DNM3: variants seen among roughly 807,000 people sequenced by gnomAD.
The protein encoded by DNM3 is dynamin 3, also known as dynamin-3.
A neutral mutation model predicts 101.6 loss-of-function variants in DNM3; 47 were observed. That is an observed-to-expected ratio of 0.46 (90% CI 0.37 to 0.59). The LOEUF is 0.59. Ranked by LOEUF, DNM3 falls within the 20% of genes least tolerant of loss-of-function variation. DNM3 has a pLI of 0.00. For missense variants in DNM3, 849 were observed against 1,085.7 expected, an observed-to-expected ratio of 0.78 and a Z score of 3.06; for synonymous variants, 385 against 387.9, an observed-to-expected ratio of 0.99 and a Z score of 0.09.
chr1:172,032,607 G>T, intron 5 of DNM3, 107 bp downstream of exon 5: 1 of 606,064 alleles, frequency 1.6e-6, no homozygotes. Context: ...TGGTTTTAAT[G>T]CCTTCTCAGT....
intron 20 of DNM3, among the ~76,000 whole-genome samples, chr1:172,405,848 T>C (rs1175818967): frequency 6.6e-6 from 1 of 151,926 alleles, no homozygotes; most frequent in Non-Finnish European, 1.5e-5. Context: ...TTAGATACTT[T>C]AGAGTCACCA....
At chr1:172,259,691 A>T (rs1025086048) in intron 15 of DNM3, among the ~76,000 whole-genome samples, 2 of 152,240 alleles carry the variant, frequency 1.3e-5, no homozygotes, top group East Asian at 1.9e-4. Context: ...TCAAAAATTC[A>T]TTCAGCCAGT....
chr1:171,932,927 A>T (rs1281435593), intron 2 of DNM3, among the ~76,000 whole-genome samples: 1 of 152,190 alleles, frequency 6.6e-6, no homozygotes, highest in African/African-American at 2.4e-5. Flanking sequence ...CTCCTTCAAG[A>T]AGGCCTAACG....
At chr1:172,041,791 T>C (rs542572102) in intron 7 of DNM3, among the ~76,000 whole-genome samples, 1 of 152,338 alleles carries the variant, frequency 6.6e-6, no homozygotes, top group South Asian at 2.1e-4. Flanking sequence ...GACAACTATA[T>C]TTAAATATTT....
At chr1:172,267,713 C>CTTTTTTT (rs200336379) in intron 15 of DNM3, among the ~76,000 whole-genome samples, 1 of 148,792 alleles carries the variant, frequency 6.7e-6, no homozygotes, top group African/African-American at 2.5e-5. Context: ...TTCAGGTTTT[C>CTTTTTTT]TTTTTTTTTT....
intron 4 of DNM3, among the ~76,000 whole-genome samples, chr1:171,992,107 A>C (rs1049699210): frequency 6.6e-6 from 1 of 152,190 alleles, no homozygotes. Context: ...TGAATTTTAT[A>C]ATAAATGTAA....
chr1:172,168,412 G>C (rs1345161758), intron 14 of DNM3, among the ~76,000 whole-genome samples: 1 of 151,974 alleles, frequency 6.6e-6, no homozygotes, highest in African/African-American at 2.4e-5. Context: ...TCATAGCAGG[G>C]TGAATGCTTT....
intron 7 of DNM3, among the ~76,000 whole-genome samples, chr1:172,039,884 T>C (rs1310714745): frequency 1.3e-5 from 2 of 151,846 alleles, no homozygotes; most frequent in Non-Finnish European, 2.9e-5. Flanking sequence ...CCCAGTAGAG[T>C]AGGGAAAAAC....
At chr1:172,168,477 A>G (rs1283578098) in intron 14 of DNM3, among the ~76,000 whole-genome samples, 1 of 152,004 alleles carries the variant, frequency 6.6e-6, no homozygotes, top group African/African-American at 2.4e-5. Context: ...CTGATTGAGA[A>G]CAGCTCTCTG....
intron 1 of DNM3, among the ~76,000 whole-genome samples, chr1:171,900,127 A>G (rs751739155): frequency 9.9e-5 from 15 of 152,210 alleles, no homozygotes; most frequent in Non-Finnish European, 1.9e-4. Context: ...GACAACCCCC[A>G]GATTTTTACT....
intron 18 of DNM3, chr1:172,380,713 A>G (rs1234233280): frequency 1.3e-5 from 2 of 152,056 alleles, no homozygotes; most frequent in Non-Finnish European, 2.9e-5. Flanking sequence ...TAAAGTACTA[A>G]ACAAATAGTC....
At chr1:172,136,057 T>A (rs2057210272) in intron 14 of DNM3, among the ~76,000 whole-genome samples, 1 of 152,026 alleles carries the variant, frequency 6.6e-6, no homozygotes, top group African/African-American at 2.4e-5. Flanking sequence ...AACATAGGCG[T>A]TTCCAGTGGA....
chr1:172,329,776 C>A (rs1160772010), intron 17 of DNM3, among the ~76,000 whole-genome samples: 1 of 152,064 alleles, frequency 6.6e-6, no homozygotes, highest in African/African-American at 2.4e-5. Context: ...AAAAGCAAAA[C>A]AAAGCAAAGA....
chr1:172,050,155 G>A (rs921816482), intron 10 of DNM3, among the ~76,000 whole-genome samples: 21 of 152,156 alleles, frequency 1.4e-4, no homozygotes, highest in African/African-American at 5.1e-4. Context: ...CTTCAAGTCA[G>A]TTGCTAACAC....
intron 14 of DNM3, among the ~76,000 whole-genome samples, chr1:172,181,407 CACACACAT>C (rs1353332409): frequency 2.2e-5 from 3 of 135,430 alleles, no homozygotes; most frequent in Non-Finnish European, 4.6e-5. Flanking sequence ...CACACACACA[CACACACAT>C]ATTTCTGGTA....
intron 15 of DNM3, among the ~76,000 whole-genome samples, chr1:172,256,122 A>G (rs1007966583): frequency 2.6e-4 from 39 of 152,142 alleles, no homozygotes; most frequent in African/African-American, 1.2e-4. Context: ...TAAGTTTGCT[A>G]GTATTTTAGC....
chr1:172,076,056 A>G (rs2052622250), intron 11 of DNM3, among the ~76,000 whole-genome samples: 1 of 151,904 alleles, frequency 6.6e-6, no homozygotes, highest in Non-Finnish European at 1.5e-5. Context: ...ATTCCTAGGT[A>G]TTTTATTCTC....
chr1:172,184,158 A>T (rs891195279), intron 14 of DNM3, among the ~76,000 whole-genome samples: 2 of 152,054 alleles, frequency 1.3e-5, no homozygotes, highest in African/African-American at 4.8e-5. Context: ...ATGTTTTCTA[A>T]ATCTTCTCAT....
intron 15 of DNM3, among the ~76,000 whole-genome samples, chr1:172,277,198 A>G (rs1297033544): frequency 6.6e-6 from 1 of 151,996 alleles, no homozygotes; most frequent in Non-Finnish European, 1.5e-5. Context: ...AACAAATGAG[A>G]TTTCTCATGA....
Sources: allele counts gnomAD v4.1 joint callset (sites outside exome capture counted in the v4.1 genomes callset), GRCh38; gene constraint gnomAD v4.1.1; transcripts MANE v1.5; gene names NCBI Gene and HGNC (gene_info 2026-07-23, HGNC 2026-07-21).